MCU: variants seen among roughly 807,000 people sequenced by gnomAD.
MCU encodes the protein calcium uniporter protein, mitochondrial.
MCU carries 12 observed loss-of-function variants against 45.2 expected under a neutral mutation model. The ratio of observed to expected loss-of-function variants is 0.27; its 90% confidence interval spans 0.17 to 0.43. MCU has a LOEUF of 0.43. MCU is among the 20% of genes least tolerant of loss of function. The probability of loss-of-function intolerance (pLI) is 1.00; values close to 1 mark genes in which losing one functional copy is unlikely to be tolerated. For missense variants in MCU, 324 were observed against 436.7 expected (o/e 0.74, Z 2.30); for synonymous variants, 160 against 165.1 (o/e 0.97, Z 0.24).
At chr10:72,875,055 C>T (rs1845598193) in intron 6 of MCU, among the ~76,000 whole-genome samples, 2 of 152,116 alleles carry the variant, frequency 1.3e-5, no homozygotes, top group African/African-American at 2.4e-5. Flanking sequence ...AATATATCGC[C>T]ATTCCATAGA....
At chr10:72,740,725 T>A (rs1028210383) in intron 1 of MCU, among the ~76,000 whole-genome samples, 1 of 152,278 alleles carries the variant, frequency 6.6e-6, no homozygotes, top group African/African-American at 2.4e-5. Flanking sequence ...CAGCAGGTGC[T>A]ATGAGTCATT....
chr10:72,866,106 A>G (rs1186032769), intron 4 of MCU, among the ~76,000 whole-genome samples: 1 of 150,716 alleles, frequency 6.6e-6, no homozygotes, highest in African/African-American at 2.4e-5. Flanking sequence ...AGTAAAGAAA[A>G]TCTTTTTTTC....
intron 1 of MCU, among the ~76,000 whole-genome samples, chr10:72,832,932 C>CTGTGTGTGTGTGTGTGTG (rs1399130294): frequency 0.018 from 1,040 of 57,218 alleles, 18 homozygotes; most frequent in African/African-American, 0.033. Context: ...AAACCAATAG[C>CTGTGTGTGTGTGTGTGTG]TATGTGTGTG....
intron 1 of MCU, among the ~76,000 whole-genome samples, chr10:72,696,161 CAAAA>C (rs58694098): frequency 6.5e-5 from 2 of 30,636 alleles, no homozygotes; most frequent in African/African-American, 2.7e-4. Context: ...AACTCCGACT[CAAAA>C]AAAAAAAAAA....
At chr10:72,726,660 T>C (rs2132679058) in intron 1 of MCU, among the ~76,000 whole-genome samples, 1 of 152,240 alleles carries the variant, frequency 6.6e-6, no homozygotes, top group East Asian at 1.9e-4. Flanking sequence ...GTATTCCTAA[T>C]CTAAAAAAAA....
intron 5 of MCU, 111 bp downstream of exon 5, chr10:72,868,974 A>G: frequency 8.7e-7 from 1 of 1,146,840 alleles, no homozygotes; most frequent in South Asian, 1.6e-5. Context: ...CAATCAAGTT[A>G]GTTCTTTAGT....
chr10:72,716,299 G>A (rs1842954537), intron 1 of MCU, among the ~76,000 whole-genome samples: 2 of 152,208 alleles, frequency 1.3e-5, no homozygotes, highest in Admixed American at 1.3e-4. Flanking sequence ...AACCACAGTT[G>A]TTTTCAAATA....
rs1845355043 is a variant in MCU at position 72,860,182 on chromosome 10, CATTA to C, written c.392-236_392-233del. 3 of 458,868 alleles carry C rather than the reference CATTA, an allele frequency of 6.5e-6. No homozygotes were observed. In the Admixed American group the frequency reaches 1.0e-4, roughly 15 times the overall value. 28.4% of individuals were successfully genotyped at this position (458,868 alleles called of 1,614,324 possible). ...CAATGTACACCTATAGAACTATGAC[CATTA>C]ATTATTTCACTTGTTCATATAGTTC... On this transcript the variant is annotated intron_variant, in intron 3 of 7. Transcript: ENST00000373053.
At chr10:72,716,916 A>C (rs1364610726) in intron 1 of MCU, among the ~76,000 whole-genome samples, 1 of 152,092 alleles carries the variant, frequency 6.6e-6, no homozygotes, top group Non-Finnish European at 1.5e-5. Flanking sequence ...GAATTATTAC[A>C]GTTAAAATAC....
At chr10:72,787,576 T>C (rs953778443) in intron 1 of MCU, among the ~76,000 whole-genome samples, 2 of 152,082 alleles carry the variant, frequency 1.3e-5, no homozygotes, top group Non-Finnish European at 2.9e-5. Flanking sequence ...GCCAATTTCA[T>C]TGAGTTTACC....
At chr10:72,696,434 T>C (rs1214049637) in intron 1 of MCU, among the ~76,000 whole-genome samples, 1 of 152,104 alleles carries the variant, frequency 6.6e-6, no homozygotes, top group East Asian at 1.9e-4. Context: ...TTTCTATAAT[T>C]CGTTACTAGA....
At chr10:72,869,644 A>G (rs1322720266) in intron 5 of MCU, among the ~76,000 whole-genome samples, 1 of 152,188 alleles carries the variant, frequency 6.6e-6, no homozygotes, top group East Asian at 1.9e-4. Flanking sequence ...ACAAAAAAAT[A>G]CAAATTTTAA....
intron 2 of MCU, among the ~76,000 whole-genome samples, chr10:72,849,196 G>A (rs1399934250): frequency 1.3e-5 from 2 of 150,906 alleles, no homozygotes; most frequent in Non-Finnish European, 1.5e-5. Flanking sequence ...CAGGAGAATC[G>A]CTTGAGCCTG....
intron 1 of MCU, among the ~76,000 whole-genome samples, chr10:72,723,930 C>T (rs1258761138): frequency 6.6e-6 from 1 of 152,156 alleles, no homozygotes; most frequent in Admixed American, 6.5e-5. Flanking sequence ...CTTTAAAAGT[C>T]CATCTGTTTC....
intron 1 of MCU, among the ~76,000 whole-genome samples, chr10:72,779,094 C>T (rs757970330): frequency 9.9e-5 from 15 of 152,148 alleles, no homozygotes; most frequent in Admixed American, 5.2e-4. Flanking sequence ...CTCAGCCTCC[C>T]GAGTAGCTGG....
At chr10:72,744,151 TTC>T (rs1368572778) in intron 1 of MCU, among the ~76,000 whole-genome samples, 1 of 151,820 alleles carries the variant, frequency 6.6e-6, no homozygotes, top group Non-Finnish European at 1.5e-5. Context: ...AGTTTACAAA[TTC>T]TTTCTCTATA....
chr10:72,791,991 A>G (rs1844168153), intron 1 of MCU, among the ~76,000 whole-genome samples: 1 of 152,214 alleles, frequency 6.6e-6, no homozygotes, highest in African/African-American at 2.4e-5. Flanking sequence ...TCCACTTCCT[A>G]GCTGTTTGAC....
intron 2 of MCU, among the ~76,000 whole-genome samples, chr10:72,841,982 A>G (rs373072245): frequency 2.6e-5 from 4 of 152,218 alleles, no homozygotes; most frequent in African/African-American, 9.6e-5. Context: ...TGAGTAATCT[A>G]ATTCAAGACC....
At chr10:72,855,531 G>C (rs1043054881) in intron 2 of MCU, among the ~76,000 whole-genome samples, 4 of 152,114 alleles carry the variant, frequency 2.6e-5, no homozygotes, top group Non-Finnish European at 5.9e-5. Flanking sequence ...GCAGTGAGCT[G>C]TGATCACACC....
Sources: allele counts gnomAD v4.1 joint callset (sites outside exome capture counted in the v4.1 genomes callset), GRCh38; gene constraint gnomAD v4.1.1; transcripts MANE v1.5; gene names NCBI Gene and HGNC (gene_info 2026-07-23, HGNC 2026-07-21).